Variants in STIM2 observed in about 807,000 individuals in gnomAD.
STIM2 encodes the protein stromal interaction molecule 2.
A neutral mutation model predicts 85.8 loss-of-function variants in STIM2; 31 were observed. The observed-to-expected ratio is 0.36, with a 90% CI of 0.27 to 0.49. The LOEUF (loss-of-function observed/expected upper bound fraction) is 0.49. Ranked by LOEUF, STIM2 falls within the 20% of genes least tolerant of loss-of-function variation. The pLI is 0.98. For missense variants in STIM2, 841 were observed against 927.6 expected, an observed-to-expected ratio of 0.91 and a Z score of 1.21; for synonymous variants, 356 against 331.1, an observed-to-expected ratio of 1.08 and a Z score of -0.82.
intron 1 of STIM2, among the ~76,000 whole-genome samples, chr4:26,909,312 A>G (rs746284382): frequency 6.6e-6 from 1 of 152,218 alleles, no homozygotes; most frequent in Non-Finnish European, 1.5e-5. Flanking sequence ...TGTAATTCTA[A>G]CAATAACCTT....
At chr4:26,942,660 C>T (rs1221365846) in intron 2 of STIM2, among the ~76,000 whole-genome samples, 1 of 152,094 alleles carries the variant, frequency 6.6e-6, no homozygotes, top group Non-Finnish European at 1.5e-5. Flanking sequence ...AATATATTTT[C>T]CTTTTTAAAG....
chr4:26,960,075 T>C (rs780961139), intron 3 of STIM2, among the ~76,000 whole-genome samples: 11 of 152,150 alleles, frequency 7.2e-5, no homozygotes, highest in Non-Finnish European at 1.3e-4. Context: ...GGGTGGGGTA[T>C]TGTTGCCAGA....
chr4:26,965,300 C>T (rs1380844908), intron 3 of STIM2, among the ~76,000 whole-genome samples: 3 of 152,118 alleles, frequency 2.0e-5, no homozygotes, highest in African/African-American at 7.2e-5. Flanking sequence ...GTATGTTGCT[C>T]ATTCACTCTG....
Position 27,002,971 on chromosome 4 carries a change from A to G in STIM2, c.848A>G (p.Lys283Arg). The stretch of plus-strand genomic sequence containing the variant: ...GAAAACAGAAATGTTGCTGTAGAAA[A>G]GCAAAATTTAGAGCGCAAAATGATG... Residue 283 changes from lysine (K) to arginine (R), a missense_variant, in exon 7 of 12, where the codon AAG becomes AGG. By Grantham distance (26) the Lys-to-Arg change is conservative (BLOSUM62 2). Coordinates refer to ENST00000467087, the MANE Select transcript of STIM2 (RefSeq NM_020860.4). 1 of 1,598,846 alleles carries G rather than the reference A, an allele frequency of 6.3e-7. No individual in the cohort carries two copies.
At chr4:26,980,887 T>C (rs1363254769) in intron 3 of STIM2, among the ~76,000 whole-genome samples, 1 of 152,174 alleles carries the variant, frequency 6.6e-6, no homozygotes, top group Non-Finnish European at 1.5e-5. Context: ...ATATTGTGGG[T>C]TGACGAGATT....
intron 2 of STIM2, among the ~76,000 whole-genome samples, chr4:26,922,689 T>A (rs565385683): frequency 1.1e-3 from 173 of 152,132 alleles, no homozygotes; most frequent in Non-Finnish European, 2.1e-3. Context: ...GAGCTCAGTT[T>A]TCCTGGAGGT....
Position 26,860,964 on chromosome 4 carries a change from G to T in STIM2, c.-255G>T. ...TTTTAAATAACCGGAACCAATGAACGCAGCCGGGATCAGAGCTCCGGAGGC... is the reference window on the plus strand; with the variant it reads ...TTTTAAATAACCGGAACCAATGAACTCAGCCGGGATCAGAGCTCCGGAGGC... On this transcript the variant is annotated 5_prime_UTR_variant, in exon 1 of 12. Coordinates refer to ENST00000467087, the MANE Select transcript of STIM2 (RefSeq NM_020860.4). The T allele has an allele frequency of 8.2e-7, 1 of 1,212,550 alleles. No homozygotes were observed. 75.1% of individuals were successfully genotyped at this position (1,212,550 alleles called of 1,614,324 possible). A position where few individuals can be genotyped will look rare whatever the true frequency, so the allele number is the denominator to read the frequency against.
At chr4:26,901,400 A>T (rs1159462751) in intron 1 of STIM2, among the ~76,000 whole-genome samples, 1 of 152,152 alleles carries the variant, frequency 6.6e-6, no homozygotes, top group Non-Finnish European at 1.5e-5. Flanking sequence ...ACTTTTATTG[A>T]CTTAAAGCTG....
chr4:26,956,380 A>G lies in STIM2; in HGVS notation c.283-1232A>G, dbSNP rs144440595. Among the ~76,000 whole-genome samples, 277 of 152,168 alleles carry G rather than the reference A, an allele frequency of 1.8e-3. 6 individuals are homozygous for G. In the South Asian group the frequency reaches 0.039, roughly 21 times the overall value. ...GGAGTTTGCTTTTTATTGTTAGACA[A>G]TGGGAAATGGTTTAAAAAGTAATAT... On this transcript the variant is annotated intron_variant, in intron 2 of 11. Transcript: ENST00000467087.
At chr4:26,873,743 G>A in intron 1 of STIM2, 2 of 882,894 alleles carry the variant, frequency 2.3e-6, no homozygotes. Context: ...GCCTCCACAG[G>A]CTCTAGGTCA....
At chr4:26,986,287 G>A (rs1727583593) in intron 3 of STIM2, among the ~76,000 whole-genome samples, 1 of 152,168 alleles carries the variant, frequency 6.6e-6, no homozygotes, top group Admixed American at 6.5e-5. Flanking sequence ...TTATTAACAT[G>A]TCTCTACATA....
At chr4:27,022,466 C>A in intron 11 of STIM2, 53 bp from the exon 12 acceptor site, 1 of 1,404,588 alleles carries the variant, frequency 7.1e-7, no homozygotes, top group Non-Finnish European at 9.7e-7. Context: ...TCTGCTAGTA[C>A]TCTTAAGAAC....
intron 5 of STIM2, among the ~76,000 whole-genome samples, chr4:27,001,627 A>T (rs1374495736): frequency 6.6e-6 from 1 of 152,132 alleles, no homozygotes; most frequent in Non-Finnish European, 1.5e-5. Context: ...TCTGCCCACT[A>T]GGTGCCAGTA....
intron 3 of STIM2, among the ~76,000 whole-genome samples, chr4:26,972,383 T>C (rs1383410428): frequency 6.6e-6 from 1 of 152,230 alleles, no homozygotes; most frequent in African/African-American, 2.4e-5. Context: ...GGGTTTGTCA[T>C]AAATAGCTCT....
intron 2 of STIM2, among the ~76,000 whole-genome samples, chr4:26,943,755 A>G (rs922742633): frequency 1.3e-5 from 2 of 152,126 alleles, no homozygotes; most frequent in Non-Finnish European, 2.9e-5. Flanking sequence ...AATATACACT[A>G]TGAATTCAGT....
chr4:26,861,519 C>G (rs1033987377), intron 1 of STIM2, 150 bp downstream of exon 1: 33 of 1,151,332 alleles, frequency 2.9e-5, no homozygotes, highest in Non-Finnish European at 3.5e-5. Context: ...TCGTCGCGGT[C>G]CCCTGCACTC....
At chr4:26,922,419 T>C (rs1724838461) in intron 2 of STIM2, among the ~76,000 whole-genome samples, 1 of 152,160 alleles carries the variant, frequency 6.6e-6, no homozygotes, top group Non-Finnish European at 1.5e-5. Context: ...TGTGCAGTTT[T>C]AGATTTTAAC....
intron 3 of STIM2, among the ~76,000 whole-genome samples, chr4:26,963,908 A>T (rs531248834): frequency 6.6e-6 from 1 of 152,186 alleles, no homozygotes. Context: ...CACTTTAAAA[A>T]TTTTGTCTTT....
At chr4:26,995,553 C>A in intron 4 of STIM2, 63 bp downstream of exon 4, 2 of 1,000,802 alleles carry the variant, frequency 2.0e-6, no homozygotes, top group Non-Finnish European at 2.9e-6. Flanking sequence ...GATGTCATTT[C>A]CCCATACTGA....
Sources: allele counts gnomAD v4.1 joint callset (sites outside exome capture counted in the v4.1 genomes callset), GRCh38; gene constraint gnomAD v4.1.1; transcripts MANE v1.5; gene names NCBI Gene and HGNC (gene_info 2026-07-23, HGNC 2026-07-21).